The following DPH6 variants were observed in gnomAD, a reference collection of about 807,000 sequenced individuals.
DPH6 encodes the protein diphthamine biosynthesis 6.
A neutral mutation model predicts 38.2 loss-of-function variants in DPH6; 33 were observed. That is an observed-to-expected ratio of 0.86 (90% CI 0.65 to 1.15). The LOEUF (loss-of-function observed/expected upper bound fraction) is 1.15. Ranked by LOEUF, DPH6 falls within the 50% of genes most tolerant of loss-of-function variation. The probability of loss-of-function intolerance (pLI) is 0.00; values close to 1 mark genes in which losing one functional copy is unlikely to be tolerated. For missense variants in DPH6, 325 were observed against 320.0 expected (o/e 1.02, Z -0.12); for synonymous variants, 108 against 103.0 (o/e 1.05, Z -0.30).
chr15:35,525,650 C>A (rs552295720), intron 3 of DPH6, among the ~76,000 whole-genome samples: 36 of 152,130 alleles, frequency 2.4e-4, no homozygotes, highest in Admixed American at 5.9e-4. Context: ...CCACCCTGGG[C>A]AACATGATGA....
At chr15:35,280,734 A>T (rs72708914) in intron 3 of DPH6, among the ~76,000 whole-genome samples, 4,612 of 152,204 alleles carry the variant, frequency 0.03, 199 homozygotes, top group African/African-American at 0.1. Flanking sequence ...GGTAAAAAAA[A>T]TTTTCTCTTT....
chr15:35,291,835 T>TA (rs1276195413), intron 3 of DPH6, among the ~76,000 whole-genome samples: 2 of 152,104 alleles, frequency 1.3e-5, no homozygotes, highest in African/African-American at 4.8e-5. Context: ...GAGATATATA[T>TA]TTTTTTCTGG....
At chr15:35,478,001 T>C (rs924849998) in intron 3 of DPH6, among the ~76,000 whole-genome samples, 8 of 151,940 alleles carry the variant, frequency 5.3e-5, no homozygotes, top group African/African-American at 9.7e-5. Flanking sequence ...AACATGATGA[T>C]TAAATAGCAC....
chr15:35,441,588 C>T (rs2053788510), intron 5 of DPH6, among the ~76,000 whole-genome samples: 1 of 152,150 alleles, frequency 6.6e-6, no homozygotes, highest in Non-Finnish European at 1.5e-5. Context: ...CATGTTCTCA[C>T]TCGTAAGTGG....
chr15:35,166,047 T>C, the DPH6 span, among the ~76,000 whole-genome samples: 2 of 151,956 alleles, frequency 1.3e-5, no homozygotes, highest in East Asian at 3.9e-4. Flanking sequence ...TTGAAACTGA[T>C]GTGCTACACC....
chr15:35,390,606 T>C (rs541922101), intron 6 of DPH6, among the ~76,000 whole-genome samples: 1 of 152,240 alleles, frequency 6.6e-6, no homozygotes, highest in African/African-American at 2.4e-5. Context: ...CTTCCATCGC[T>C]GATACCTTTT....
intron 3 of DPH6, among the ~76,000 whole-genome samples, chr15:35,501,343 T>A (rs1362597259): frequency 6.6e-6 from 1 of 152,182 alleles, no homozygotes; most frequent in Non-Finnish European, 1.5e-5. Flanking sequence ...GTCCTCTTGT[T>A]AGATGAGTTT....
At chr15:35,494,591 T>C (rs2054524180) in intron 3 of DPH6, among the ~76,000 whole-genome samples, 2 of 152,224 alleles carry the variant, frequency 1.3e-5, no homozygotes, top group Admixed American at 1.3e-4. Flanking sequence ...TTCCCAGTTT[T>C]CTCTAAATCA....
chr15:35,483,769 C>T (rs2054360266), intron 3 of DPH6, among the ~76,000 whole-genome samples: 1 of 152,024 alleles, frequency 6.6e-6, no homozygotes, highest in African/African-American at 2.4e-5. Context: ...ACATACTAGC[C>T]AAAAATGGAA....
At chr15:35,356,136 G>A (rs1165025380) in intron 3 of DPH6, among the ~76,000 whole-genome samples, 2 of 152,132 alleles carry the variant, frequency 1.3e-5, no homozygotes, top group Non-Finnish European at 2.9e-5. Flanking sequence ...AGCTCCATCA[G>A]GTCATTTAAG....
downstream of DPH6, among the ~76,000 whole-genome samples, chr15:35,212,470 A>C (rs149521900): frequency 1.3e-5 from 2 of 152,172 alleles, no homozygotes; most frequent in African/African-American, 4.8e-5. Flanking sequence ...CTGAGTGCCC[A>C]GGACCGATTC....
At chr15:35,360,766 A>G (rs2140906222) in intron 3 of DPH6, among the ~76,000 whole-genome samples, 1 of 151,246 alleles carries the variant, frequency 6.6e-6, no homozygotes, top group South Asian at 2.1e-4. Flanking sequence ...GGGGGCATAG[A>G]TGGGTGTGTC....
chr15:35,376,130 T>C (rs1217801984), intron 7 of DPH6, among the ~76,000 whole-genome samples: 1 of 152,128 alleles, frequency 6.6e-6, no homozygotes, highest in African/African-American at 2.4e-5. Flanking sequence ...ACATTATAAT[T>C]ATGTGTTTGT....
At chr15:35,538,193 C>T (rs2055199631) in intron 3 of DPH6, 81 bp downstream of exon 3, 15 of 1,246,786 alleles carry the variant, frequency 1.2e-5, no homozygotes, top group South Asian at 5.3e-5. Flanking sequence ...TTGCAAATTA[C>T]GGATTACTAA....
intron 6 of DPH6, among the ~76,000 whole-genome samples, chr15:35,382,844 T>C (rs1026328478): frequency 4.0e-5 from 6 of 150,254 alleles, no homozygotes; most frequent in Non-Finnish European, 7.4e-5. Flanking sequence ...AAACCTGAAA[T>C]TAAAAAAAAG....
rs1187494235 is a variant in DPH6, at chr15:35,372,070, A to C, written c.*80T>G. The C allele has an allele frequency of 2.0e-6, 3 of 1,466,326 alleles. No individual in the cohort carries two copies. The highest frequency in any genetic ancestry group is 1.5e-5 in the African/African-American group (1 of 67,750). The allele number at this position is 1,466,326 out of a possible 1,614,324, so 90.8% of individuals were successfully genotyped here. On this transcript the variant is annotated 3_prime_UTR_variant, in exon 9 of 9. Coordinates refer to ENST00000256538, the MANE Select transcript of DPH6 (RefSeq NM_080650.4). ...AAGAGTCATGAGAAAAAAATAAACT[A>C]GTCATAGTAACTGAGAAAATACTAT...
intron 3 of DPH6, among the ~76,000 whole-genome samples, chr15:35,507,235 C>A (rs1017197446): frequency 1.3e-5 from 2 of 151,846 alleles, no homozygotes; most frequent in African/African-American, 2.4e-5. Flanking sequence ...AGAAAACACA[C>A]AAATTTAATG....
At chr15:35,296,684 T>C (rs1327248373) in intron 3 of DPH6, among the ~76,000 whole-genome samples, 1 of 152,232 alleles carries the variant, frequency 6.6e-6, no homozygotes, top group East Asian at 1.9e-4. Flanking sequence ...TTTATGATGA[T>C]AAATTTCAAG....
At chr15:35,367,745 G>A (rs926138681), downstream of DPH6, among the ~76,000 whole-genome samples, 9 of 151,284 alleles carry the variant, frequency 5.9e-5, no homozygotes, top group African/African-American at 2.2e-4. Context: ...AAAGTTTAAG[G>A]GTCATCATAT....
Sources: allele counts gnomAD v4.1 joint callset (sites outside exome capture counted in the v4.1 genomes callset), GRCh38; gene constraint gnomAD v4.1.1; transcripts MANE v1.5; gene names NCBI Gene and HGNC (gene_info 2026-07-23, HGNC 2026-07-21).